The following NKAIN2 variants were observed in gnomAD, a reference collection of about 807,000 sequenced individuals.
NKAIN2 encodes sodium/potassium-transporting ATPase subunit beta-1-interacting protein 2.
In NKAIN2, 14 loss-of-function variants were observed where a neutral mutation model predicts 32.6. That is an observed-to-expected ratio of 0.43 (90% CI 0.28 to 0.67). The LOEUF is 0.67. NKAIN2 is among the 30% of genes least tolerant of loss of function. The pLI is 0.17. For synonymous variants in NKAIN2, 80 were observed against 87.2 expected (o/e 0.92, Z 0.46); for missense variants, 198 against 258.3 (o/e 0.77, Z 1.60).
At chr6:124,656,766 A>C (rs1784552898) in intron 3 of NKAIN2, among the ~76,000 whole-genome samples, 1 of 152,120 alleles carries the variant, frequency 6.6e-6, no homozygotes, top group Non-Finnish European at 1.5e-5. Context: ...GCTCTCTCTC[A>C]TGACAGCCCA....
intron 3 of NKAIN2, among the ~76,000 whole-genome samples, chr6:124,486,792 G>A (rs889187503): frequency 6.6e-6 from 1 of 151,734 alleles, no homozygotes; most frequent in Non-Finnish European, 1.5e-5. Flanking sequence ...ACCCATTAGG[G>A]TGCCTCACTG....
intron 2 of NKAIN2, among the ~76,000 whole-genome samples, chr6:124,328,719 G>A (rs139840912): frequency 2.0e-4 from 31 of 152,288 alleles, no homozygotes; most frequent in African/African-American, 6.7e-4. Context: ...TTACAGGAAT[G>A]GTAAGCAGGC....
intron 1 of NKAIN2, among the ~76,000 whole-genome samples, chr6:123,966,242 G>A (rs1011447823): frequency 1.3e-5 from 2 of 152,130 alleles, no homozygotes; most frequent in African/African-American, 2.4e-5. Context: ...ATACTCTTCT[G>A]CTTTTCCATT....
chr6:123,846,181 C>T (rs1387204904), intron 1 of NKAIN2, among the ~76,000 whole-genome samples: 1 of 152,156 alleles, frequency 6.6e-6, no homozygotes, highest in Non-Finnish European at 1.5e-5. Context: ...CGTTATTAGG[C>T]TTTCAACCCT....
At chr6:124,130,925 G>T (rs1043801342) in intron 1 of NKAIN2, among the ~76,000 whole-genome samples, 2 of 152,144 alleles carry the variant, frequency 1.3e-5, no homozygotes, top group Admixed American at 6.5e-5. Flanking sequence ...GCTCATTCAG[G>T]TAGCAACAAG....
chr6:123,983,395 C>A (rs1778988349), intron 1 of NKAIN2, among the ~76,000 whole-genome samples: 1 of 152,172 alleles, frequency 6.6e-6, no homozygotes, highest in African/African-American at 2.4e-5. Context: ...TATTAGCACT[C>A]TTGAACCAAA....
At chr6:124,564,200 C>T (rs567841033) in intron 3 of NKAIN2, among the ~76,000 whole-genome samples, 33 of 152,144 alleles carry the variant, frequency 2.2e-4, no homozygotes, top group Non-Finnish European at 1.8e-4. Context: ...CGCCAATCAG[C>T]GCTCTGTGTC....
rs115388394 is a variant in NKAIN2, at chr6:124,406,798, G to A, written c.273+51451G>A. Among the ~76,000 whole-genome samples, 1,080 of 152,116 alleles carry A rather than the reference G, an allele frequency of 7.1e-3. 7 individuals carry two copies. Among genetic ancestry groups the A allele is most frequent in the African/African-American group, 0.025 (1,044 of 41,498 alleles). Reference sequence around the variant, plus strand: ...AGGCATGTAGTGCTATATAATTGTGGTTTTAATAAGTGTTTTCATTACGAC... The same window carrying A: ...AGGCATGTAGTGCTATATAATTGTGATTTTAATAAGTGTTTTCATTACGAC... On this transcript the variant is annotated intron_variant, in intron 3 of 6. Coordinates refer to ENST00000368417, the MANE Select transcript of NKAIN2 (RefSeq NM_001040214.3).
intron 2 of NKAIN2, among the ~76,000 whole-genome samples, chr6:124,354,326 G>A (rs1798870002): frequency 6.6e-6 from 1 of 152,142 alleles, no homozygotes; most frequent in Non-Finnish European, 1.5e-5. Context: ...TGCATTCTCA[G>A]TGTCTTGCTA....
At chr6:124,699,418 C>A (rs1157304679) in intron 4 of NKAIN2, among the ~76,000 whole-genome samples, 2 of 152,166 alleles carry the variant, frequency 1.3e-5, no homozygotes, top group Non-Finnish European at 2.9e-5. Context: ...ATGAACCAGC[C>A]TTGTTATACG....
At chr6:124,777,953 AC>A (rs1779053294) in intron 4 of NKAIN2, among the ~76,000 whole-genome samples, 1 of 145,310 alleles carries the variant, frequency 6.9e-6, no homozygotes, top group African/African-American at 2.8e-5. Context: ...ACATTCACAC[AC>A]ACACACACAC....
intron 1 of NKAIN2, among the ~76,000 whole-genome samples, chr6:123,975,325 T>C (rs1778512569): frequency 6.6e-6 from 1 of 152,206 alleles, no homozygotes; most frequent in African/African-American, 2.4e-5. Flanking sequence ...AAAAAAATTA[T>C]AGAATTATCT....
At chr6:124,360,664 A>G (rs1265464092) in intron 3 of NKAIN2, among the ~76,000 whole-genome samples, 1 of 152,174 alleles carries the variant, frequency 6.6e-6, no homozygotes, top group Non-Finnish European at 1.5e-5. Flanking sequence ...AATTAACAAA[A>G]TGATGGGAAT....
chr6:124,256,838 A>C (rs1287459123), intron 1 of NKAIN2, among the ~76,000 whole-genome samples: 1 of 149,184 alleles, frequency 6.7e-6, no homozygotes, highest in Non-Finnish European at 1.5e-5. Flanking sequence ...TTTCTTCTGC[A>C]GTGTCCTTCC....
intron 1 of NKAIN2, among the ~76,000 whole-genome samples, chr6:124,073,846 G>C (rs1041217201): frequency 6.6e-6 from 1 of 152,072 alleles, no homozygotes; most frequent in African/African-American, 2.4e-5. Flanking sequence ...ATTTTATGGG[G>C]CTGAAAAGCT....
chr6:124,473,922 G>A (rs1777078265), intron 3 of NKAIN2, among the ~76,000 whole-genome samples: 1 of 152,114 alleles, frequency 6.6e-6, no homozygotes, highest in South Asian at 2.1e-4. Flanking sequence ...GAAATTGTAT[G>A]CAAAAATAAA....
At chr6:123,958,916 A>G (rs1336930857) in intron 1 of NKAIN2, among the ~76,000 whole-genome samples, 1 of 152,202 alleles carries the variant, frequency 6.6e-6, no homozygotes, top group Non-Finnish European at 1.5e-5. Context: ...CAAATTCCAA[A>G]TGGCTAATAG....
chr6:124,796,454 C>G (rs188447768), intron 5 of NKAIN2, among the ~76,000 whole-genome samples: 1 of 152,166 alleles, frequency 6.6e-6, no homozygotes, highest in Admixed American at 6.5e-5. Flanking sequence ...TACACACACA[C>G]GCACACACAC....
At chr6:124,209,457 A>T (rs802236) in intron 1 of NKAIN2, among the ~76,000 whole-genome samples, 1 of 151,530 alleles carries the variant, frequency 6.6e-6, no homozygotes, top group East Asian at 1.9e-4. Context: ...TTTCTTTGGG[A>T]TATATACTCA....
Sources: allele counts gnomAD v4.1 joint callset (sites outside exome capture counted in the v4.1 genomes callset), GRCh38; gene constraint gnomAD v4.1.1; transcripts MANE v1.5; gene names NCBI Gene and HGNC (gene_info 2026-07-23, HGNC 2026-07-21).